DLGAP2: variants seen among roughly 807,000 people sequenced by gnomAD.
The protein encoded by DLGAP2 is DLG associated protein 2, also known as disks large-associated protein 2.
In DLGAP2, 26 loss-of-function variants were observed where a neutral mutation model predicts 100.3. That is an observed-to-expected ratio of 0.26 (90% CI 0.19 to 0.36). The LOEUF (loss-of-function observed/expected upper bound fraction) is 0.36, where lower values mean the gene tolerates loss of function less well. Among genes scored for constraint, DLGAP2 ranks in the 10% least tolerant of loss-of-function variants. The pLI, the probability that DLGAP2 is intolerant of heterozygous loss-of-function variation, is 1.00. For synonymous variants in DLGAP2, 886 were observed against 630.1 expected, an observed-to-expected ratio of 1.41 and a Z score of -6.08; for missense variants, 1,858 against 1,453.2, an observed-to-expected ratio of 1.28 and a Z score of -4.53.
At chr8:750,825 A>G (rs771642577) in intron 1 of DLGAP2, among the ~76,000 whole-genome samples, 2 of 152,234 alleles carry the variant, frequency 1.3e-5, no homozygotes, top group Non-Finnish European at 2.9e-5. Flanking sequence ...GCCTAATGGG[A>G]TAGCATTTTT....
chr8:886,724 T>A (rs1236013980), intron 1 of DLGAP2, among the ~76,000 whole-genome samples: 1 of 152,266 alleles, frequency 6.6e-6, no homozygotes, highest in Non-Finnish European at 1.5e-5. Flanking sequence ...GATTGCACTG[T>A]GGTCTGGAGA....
At chr8:1,177,002 G>A (rs889705358) in intron 2 of DLGAP2, among the ~76,000 whole-genome samples, 1 of 152,162 alleles carries the variant, frequency 6.6e-6, no homozygotes, top group South Asian at 2.1e-4. Flanking sequence ...CTGGAAACTG[G>A]GAAAAGTCAG....
chr8:1,011,463 TG>T (rs1188426281), intron 2 of DLGAP2, among the ~76,000 whole-genome samples: 2 of 141,862 alleles, frequency 1.4e-5, no homozygotes, highest in African/African-American at 2.6e-5. Flanking sequence ...AGCCCTGGAA[TG>T]GGGGGTCTCA....
intron 3 of DLGAP2, among the ~76,000 whole-genome samples, chr8:1,275,877 A>ATAAATATATATAATATT (rs1799677943): frequency 2.9e-5 from 2 of 68,148 alleles, no homozygotes; most frequent in African/African-American, 9.2e-5. Flanking sequence ...TATATAATAT[A>ATAAATATATATAATATT]TAAATAAATA....
chr8:1,182,019 C>T (rs937537767), intron 2 of DLGAP2, among the ~76,000 whole-genome samples: 6 of 152,320 alleles, frequency 3.9e-5, no homozygotes, highest in Middle Eastern at 3.4e-3. Context: ...CAGAAGCTGA[C>T]GTGGGAGGTT....
At chr8:1,295,996 G>C (rs1563066970) in intron 3 of DLGAP2, 1 of 152,340 alleles carries the variant, frequency 6.6e-6, no homozygotes. Flanking sequence ...ACTCGGATTT[G>C]AAGGTCACCG....
At chr8:1,622,859 G>T (rs1331062068) in intron 6 of DLGAP2, among the ~76,000 whole-genome samples, 1 of 152,188 alleles carries the variant, frequency 6.6e-6, no homozygotes, top group Non-Finnish European at 1.5e-5. Context: ...CCGGGATGTA[G>T]GAGGGGGATT....
At chr8:1,287,931 TGG>T (rs1799977366) in intron 3 of DLGAP2, among the ~76,000 whole-genome samples, 1 of 128,978 alleles carries the variant, frequency 7.8e-6, no homozygotes, top group East Asian at 2.3e-4. Context: ...GAACTAGTTT[TGG>T]TTCAGCGTGT....
At chr8:1,575,952 G>C (rs1452958895) in intron 6 of DLGAP2, among the ~76,000 whole-genome samples, 1 of 152,120 alleles carries the variant, frequency 6.6e-6, no homozygotes, top group African/African-American at 2.4e-5. Context: ...CTTTATAGCA[G>C]CATGATTTAT....
chr8:1,224,054 G>A (rs573219506), intron 2 of DLGAP2, among the ~76,000 whole-genome samples: 6 of 152,260 alleles, frequency 3.9e-5, no homozygotes, highest in African/African-American at 1.2e-4. Context: ...GAATCAAAAC[G>A]ATATTCTTTG....
intron 2 of DLGAP2, among the ~76,000 whole-genome samples, chr8:1,060,353 G>GC (rs1803041877): frequency 1.4e-5 from 1 of 72,932 alleles, no homozygotes; most frequent in Non-Finnish European, 3.4e-5. Flanking sequence ...CTGAGTGCTT[G>GC]TGGATAGATA....
chr8:1,189,564 C>G (rs1009188129), intron 2 of DLGAP2, among the ~76,000 whole-genome samples: 3 of 152,184 alleles, frequency 2.0e-5, no homozygotes, highest in African/African-American at 4.8e-5. Context: ...GAAAGACCAG[C>G]TTAAACTCTA....
intron 2 of DLGAP2, among the ~76,000 whole-genome samples, chr8:1,088,600 G>C (rs142853401): frequency 2.0e-5 from 3 of 152,072 alleles, no homozygotes; most frequent in African/African-American, 7.3e-5. Flanking sequence ...CAGGGTCTCC[G>C]AAAGGCAAAC....
intron 2 of DLGAP2, among the ~76,000 whole-genome samples, chr8:1,124,037 C>G (rs1248378374): frequency 1.3e-5 from 2 of 152,154 alleles, no homozygotes; most frequent in African/African-American, 4.8e-5. Context: ...TTCAGCCCTT[C>G]ATTTTCCCTG....
Position 1,620,213 on chromosome 8 carries a change from C to T in DLGAP2, c.1443-6527C>T, listed in dbSNP as rs532965403. Among the ~76,000 whole-genome samples the T allele has an allele frequency of 3.9e-5, 6 of 152,250 alleles. No homozygotes were observed. In the East Asian group the frequency reaches 1.2e-3, roughly 29 times the overall value. Reference sequence around the variant, plus strand: ...AAACTGTCCTTTTTAAAAATGACCCCAGCTTGCTGCATCTGACGGTCTTTC... The same window carrying T: ...AAACTGTCCTTTTTAAAAATGACCCTAGCTTGCTGCATCTGACGGTCTTTC... On this transcript the variant is annotated intron_variant, in intron 6 of 14. Coordinates refer to ENST00000637795, the MANE Select transcript of DLGAP2 (RefSeq NM_001346810.2).
At chr8:1,085,519 T>G (rs1803947024) in intron 2 of DLGAP2, among the ~76,000 whole-genome samples, 1 of 152,212 alleles carries the variant, frequency 6.6e-6, no homozygotes, top group Non-Finnish European at 1.5e-5. Flanking sequence ...TGATTATTAT[T>G]AAAGAGACTG....
intron 2 of DLGAP2, among the ~76,000 whole-genome samples, chr8:1,145,379 C>T (rs1033878767): frequency 2.8e-4 from 42 of 152,122 alleles, no homozygotes; most frequent in Non-Finnish European, 5.1e-4. Flanking sequence ...GGCTGCGGTT[C>T]CACTCGCCCA....
chr8:939,078 C>T (rs1799136959), intron 2 of DLGAP2, among the ~76,000 whole-genome samples: 1 of 142,388 alleles, frequency 7.0e-6, no homozygotes, highest in African/African-American at 2.6e-5. Context: ...GGTGCAGACA[C>T]AGGGGCTGGG....
chr8:1,087,806 C>G (rs1804025494), intron 2 of DLGAP2, among the ~76,000 whole-genome samples: 1 of 152,202 alleles, frequency 6.6e-6, no homozygotes, highest in East Asian at 1.9e-4. Context: ...TCCTGACCCT[C>G]CTGCTCCCTC....
Sources: allele counts gnomAD v4.1 joint callset (sites outside exome capture counted in the v4.1 genomes callset), GRCh38; gene constraint gnomAD v4.1.1; transcripts MANE v1.5; gene names NCBI Gene and HGNC (gene_info 2026-07-23, HGNC 2026-07-21).